The following TGFBR3 variants were observed in gnomAD, a reference collection of about 807,000 sequenced individuals.
TGFBR3 encodes the protein transforming growth factor beta receptor 3.
A neutral mutation model predicts 87.9 loss-of-function variants in TGFBR3; 46 were observed. The observed-to-expected ratio is 0.52, with a 90% CI of 0.41 to 0.67. The LOEUF is 0.67. Among genes scored for constraint, TGFBR3 ranks in the 30% least tolerant of loss-of-function variants. TGFBR3 has a pLI of 0.00. For synonymous variants in TGFBR3, 381 were observed against 391.6 expected (o/e 0.97, Z 0.32); for missense variants, 866 against 1,041.9 (o/e 0.83, Z 2.32).
chr1:91,825,873 C>T (rs912202209), intron 2 of TGFBR3, among the ~76,000 whole-genome samples: 1 of 150,968 alleles, frequency 6.6e-6, no homozygotes, highest in Non-Finnish European at 1.5e-5. Flanking sequence ...CCCAGCTCTT[C>T]GGGAGGCTGA....
intron 3 of TGFBR3, among the ~76,000 whole-genome samples, chr1:91,773,450 C>T (rs766457354): frequency 6.6e-6 from 1 of 152,016 alleles, no homozygotes; most frequent in Non-Finnish European, 1.5e-5. Flanking sequence ...GAGGCCAAGG[C>T]GGGCAGATCA....
chr1:91,725,555 C>T (rs12756752), intron 7 of TGFBR3, among the ~76,000 whole-genome samples: 50,244 of 152,054 alleles, frequency 0.33, 8,621 homozygotes, highest in South Asian at 0.39. Flanking sequence ...AACTTACATG[C>T]GCAGGCCCTG....
rs996159873 is a variant in TGFBR3, at chr1:91,680,764, G to A, written c.*2975C>T. 4.4e-6 allele frequency: 2 copies of A among 453,982 alleles called. No individual in the cohort carries two copies. Among genetic ancestry groups the A allele is most frequent in the Admixed American group, 4.7e-5 (2 of 42,568 alleles). The allele number at this position is 453,982 out of a possible 1,614,324, so 28.1% of individuals were successfully genotyped here. ...GAGGTAGTTACAGTACAAAAAGACT[G>A]GCACGCGTGTGAGCACCCCACACAC... On this transcript the variant is annotated 3_prime_UTR_variant, in exon 17 of 17. Transcript: ENST00000212355.
At chr1:91,863,292 T>G (rs538744006) in intron 1 of TGFBR3, among the ~76,000 whole-genome samples, 1 of 152,234 alleles carries the variant, frequency 6.6e-6, no homozygotes, top group Admixed American at 6.5e-5. Context: ...ACGATAGTGA[T>G]TAAAATCCTA....
chr1:91,815,886 C>A (rs1321051562), intron 2 of TGFBR3, among the ~76,000 whole-genome samples: 1 of 152,126 alleles, frequency 6.6e-6, no homozygotes, highest in Non-Finnish European at 1.5e-5. Context: ...GAAAGCCAAC[C>A]AAGACAGAGG....
chr1:91,830,389 C>T (rs775489569), intron 2 of TGFBR3, among the ~76,000 whole-genome samples: 36 of 152,270 alleles, frequency 2.4e-4, no homozygotes, highest in Admixed American at 1.2e-3. Flanking sequence ...GGCAGGCAGT[C>T]GATTTCCAGG....
intron 2 of TGFBR3, among the ~76,000 whole-genome samples, chr1:91,827,307 C>T (rs1260805562): frequency 1.3e-5 from 2 of 152,156 alleles, no homozygotes; most frequent in Non-Finnish European, 2.9e-5. Context: ...TTTCTATTCT[C>T]AGCATGTGTC....
chr1:91,685,110 T>C (rs929358445), intron 16 of TGFBR3, among the ~76,000 whole-genome samples: 1 of 152,200 alleles, frequency 6.6e-6, no homozygotes, highest in African/African-American at 2.4e-5. Context: ...AACTGGCTCA[T>C]GTCCCTGGGT....
intron 2 of TGFBR3, among the ~76,000 whole-genome samples, chr1:91,860,222 TTAAG>T (rs1678128193): frequency 6.6e-6 from 1 of 152,254 alleles, no homozygotes; most frequent in South Asian, 2.1e-4. Context: ...CAAGTTGTGA[TTAAG>T]TGAGCTCATT....
At chr1:91,889,028 A>T (rs923818666), upstream of TGFBR3, among the ~76,000 whole-genome samples, 83 of 151,998 alleles carry the variant, frequency 5.5e-4, no homozygotes, top group African/African-American at 1.9e-3. Context: ...ATTGACAAGC[A>T]CGCACCACCA....
At chr1:91,729,266 CCACACACGTGCATGCGCATACACACACA>C (rs1278527576) in intron 6 of TGFBR3, among the ~76,000 whole-genome samples, 1 of 118,712 alleles carries the variant, frequency 8.4e-6, no homozygotes, top group Non-Finnish European at 1.7e-5. Flanking sequence ...AGCCACTCCA[CCACACACGTGCATGCGCATACACACACA>C]CACACACACA....
intron 1 of TGFBR3, among the ~76,000 whole-genome samples, chr1:91,902,443 G>A (rs1380451736): frequency 6.6e-6 from 1 of 151,774 alleles, no homozygotes; most frequent in African/African-American, 2.4e-5. Context: ...AAACACACCT[G>A]GCTAATTTTT....
chr1:91,748,669 C>T (rs1244173592), intron 4 of TGFBR3, among the ~76,000 whole-genome samples: 1 of 151,986 alleles, frequency 6.6e-6, no homozygotes, highest in Admixed American at 6.6e-5. Context: ...GTCATGCCCT[C>T]GAGTCAGCAG....
intron 2 of TGFBR3, among the ~76,000 whole-genome samples, chr1:91,816,196 C>G (rs983578610): frequency 6.6e-6 from 1 of 152,100 alleles, no homozygotes; most frequent in Non-Finnish European, 1.5e-5. Flanking sequence ...CAAACTACAA[C>G]AGATTGGTCA....
intron 6 of TGFBR3, among the ~76,000 whole-genome samples, chr1:91,728,730 T>C (rs1672636791): frequency 6.6e-6 from 1 of 152,158 alleles, no homozygotes; most frequent in Non-Finnish European, 1.5e-5. Context: ...AAACGATCTG[T>C]AGCTTACACG....
At chr1:91,787,621 C>G (rs1387735522) in intron 3 of TGFBR3, among the ~76,000 whole-genome samples, 1 of 152,164 alleles carries the variant, frequency 6.6e-6, no homozygotes, top group Non-Finnish European at 1.5e-5. Context: ...TAAGACCAGA[C>G]AAGCCACCTC....
chr1:91,755,536 C>T (rs1673710232), intron 4 of TGFBR3, among the ~76,000 whole-genome samples: 1 of 152,202 alleles, frequency 6.6e-6, no homozygotes, highest in Non-Finnish European at 1.5e-5. Flanking sequence ...TCTCCTGATG[C>T]TGCCTCCCAC....
chr1:91,680,945 G>A lies in TGFBR3; in HGVS notation c.*2794C>T, dbSNP rs946528410. On this transcript the variant is annotated 3_prime_UTR_variant, in exon 17 of 17. Coordinates refer to ENST00000212355, the MANE Select transcript of TGFBR3 (RefSeq NM_003243.5). Reference sequence around the variant, plus strand: ...CTTTTTAAAATACAGAGTAACAGCTGGTAAACACCACATGGTGAAAAGCTA... The same window carrying A: ...CTTTTTAAAATACAGAGTAACAGCTAGTAAACACCACATGGTGAAAAGCTA... The A allele has an allele frequency of 3.5e-5, 16 of 453,976 alleles. No homozygotes were observed. Among genetic ancestry groups the A allele is most frequent in the African/African-American group, 8.0e-5 (4 of 49,996 alleles). 28.1% of individuals were successfully genotyped at this position (453,976 alleles called of 1,614,324 possible).
At chr1:91,801,547 C>T (rs1214946489) in intron 2 of TGFBR3, among the ~76,000 whole-genome samples, 2 of 152,040 alleles carry the variant, frequency 1.3e-5, no homozygotes, top group South Asian at 2.1e-4. Context: ...TGAGATCTAC[C>T]GTTTTGTAAC....
Sources: allele counts gnomAD v4.1 joint callset (sites outside exome capture counted in the v4.1 genomes callset), GRCh38; gene constraint gnomAD v4.1.1; transcripts MANE v1.5; gene names NCBI Gene and HGNC (gene_info 2026-07-23, HGNC 2026-07-21).